The following SLC5A3 variants were observed in gnomAD, a reference collection of about 807,000 sequenced individuals.
SLC5A3 encodes sodium/myo-inositol cotransporter.
SLC5A3 carries 10 observed loss-of-function variants against 43.2 expected under a neutral mutation model. The ratio of observed to expected loss-of-function variants is 0.23; its 90% CI spans 0.14 to 0.39. The LOEUF (loss-of-function observed/expected upper bound fraction) is 0.39. SLC5A3 is among the 10% of genes least tolerant of loss of function. The pLI is 1.00. For synonymous variants in SLC5A3, 349 were observed against 322.0 expected (o/e 1.08, Z -0.90); for missense variants, 608 against 893.4 (o/e 0.68, Z 4.07).
chr21:34,105,675 A>G lies in SLC5A3; in HGVS notation c.*8320A>G. ...GTGATTATAAATGAAGTTGATGAAC[A>G]TTAATTTTGTTATTAGTGAGTTTTT... is the stretch of plus-strand genomic sequence containing the variant. On this transcript the variant is annotated 3_prime_UTR_variant, in exon 2 of 2. Transcript: ENST00000381151. 8 of 997,756 alleles carry G rather than the reference A, an allele frequency of 8.0e-6. No homozygotes were observed. Among genetic ancestry groups the G allele is most frequent in the Non-Finnish European group, 9.7e-6 (8 of 827,756 alleles). 61.8% of individuals were successfully genotyped at this position (997,756 alleles called of 1,614,324 possible).
Position 34,101,786 on chromosome 21 carries a change from G to T in SLC5A3, c.*4431G>T, listed in dbSNP as rs1158651308. The T allele has an allele frequency of 1.0e-6, 1 of 996,010 alleles. No homozygotes were observed. Among genetic ancestry groups the T allele is most frequent in the African/African-American group, 1.8e-5 (1 of 57,112 alleles). 61.7% of individuals were successfully genotyped at this position (996,010 alleles called of 1,614,324 possible). A position where few individuals can be genotyped will look rare whatever the true frequency, so the allele number is the denominator to read the frequency against. On this transcript the variant is annotated 3_prime_UTR_variant, in exon 2 of 2. Transcript: ENST00000381151. ...TACTGAATTTCTGTTAGCTTAAAAT[G>T]TTAATTCTCAGGAATGATTTTCTCA...
At position 34,094,871 on chromosome 21, in the gene SLC5A3, C is replaced by A; in HGVS notation, c.-328C>A. On this transcript the variant is annotated 5_prime_UTR_variant, in exon 2 of 2. The change creates a premature stop within an existing upstream ORF in the 5' untranslated region. Transcript: ENST00000381151. ...TCTCTGCTGCCTTGCAGGGTTGGTACAGTAGGCTTCACTAGACTTAGCTGC... is the reference window on the plus strand; with the variant it reads ...TCTCTGCTGCCTTGCAGGGTTGGTAAAGTAGGCTTCACTAGACTTAGCTGC... 3.9e-6 allele frequency: 1 copy of A among 259,690 alleles called. No individual in the cohort carries two copies. The highest frequency in any genetic ancestry group is 7.2e-6 in the Non-Finnish European group (1 of 138,442). 16.1% of individuals were successfully genotyped at this position (259,690 alleles called of 1,614,324 possible). A position where few individuals can be genotyped will look rare whatever the true frequency, so the allele number is the denominator to read the frequency against.
At chr21:34,093,730 A>C (rs1405524003) in intron 1 of SLC5A3, among the ~76,000 whole-genome samples, 1 of 152,244 alleles carries the variant, frequency 6.6e-6, no homozygotes, top group African/African-American at 2.4e-5. Context: ...CAATTAACTG[A>C]AAATTTAGTA....
intron 1 of SLC5A3, among the ~76,000 whole-genome samples, chr21:34,082,083 AT>A (rs1989472687): frequency 6.6e-6 from 1 of 151,324 alleles, no homozygotes; most frequent in South Asian, 2.1e-4. Flanking sequence ...TTGCCAACTA[AT>A]TGAATACTTA....
rs1262718353 is a variant in SLC5A3, at chr21:34,099,091, C to T, written c.*1736C>T. 1 of 999,422 alleles carries T rather than the reference C, an allele frequency of 1.0e-6. No homozygotes were observed. Among genetic ancestry groups the T allele is most frequent in the Middle Eastern group, 5.2e-4 (1 of 1,934 alleles). The allele number at this position is 999,422 out of a possible 1,614,324, so 61.9% of individuals were successfully genotyped here. A position where few individuals can be genotyped will look rare whatever the true frequency, so the allele number is the denominator to read the frequency against. Reference sequence around the variant, plus strand: ...AAATTGTCAGGTAGCATAGTGTCTTCCCATGATCAGGAGGCTTTCTGAAGG... The same window carrying T: ...AAATTGTCAGGTAGCATAGTGTCTTTCCATGATCAGGAGGCTTTCTGAAGG... On this transcript the variant is annotated 3_prime_UTR_variant, in exon 2 of 2. Coordinates refer to ENST00000381151, the MANE Select transcript of SLC5A3 (RefSeq NM_006933.7).
Position 34,102,276 on chromosome 21 carries a change from T to C in SLC5A3, c.*4921T>C, listed in dbSNP as rs951477089. The C allele has an allele frequency of 3.8e-5, 38 of 999,696 alleles. No homozygotes were observed. Among genetic ancestry groups the C allele is most frequent in the Non-Finnish European group, 4.5e-5 (37 of 829,612 alleles). 61.9% of individuals were successfully genotyped at this position (999,696 alleles called of 1,614,324 possible). ...CACCATTATTCACTTAGTAGTCATA[T>C]AAATGTTTTTATTTAAACTTCTCTC... is the stretch of plus-strand genomic sequence containing the variant. On this transcript the variant is annotated 3_prime_UTR_variant, in exon 2 of 2. Transcript: ENST00000381151.
At position 34,097,877 on chromosome 21, in the gene SLC5A3, T is replaced by G. The variant is rs938921180; in HGVS notation, c.*522T>G. On this transcript the variant is annotated 3_prime_UTR_variant, in exon 2 of 2. Transcript: ENST00000381151. ...TTCAGGACAAGTTCATTTGCCAGGTTCATTTTGTTAGCATGAGCCTACGGA... is the reference window on the plus strand; with the variant it reads ...TTCAGGACAAGTTCATTTGCCAGGTGCATTTTGTTAGCATGAGCCTACGGA... 1.0e-6 allele frequency: 1 copy of G among 997,712 alleles called. No individual in the cohort carries two copies. The highest frequency in any genetic ancestry group is 1.7e-5 in the African/African-American group (1 of 57,196). 61.8% of individuals were successfully genotyped at this position (997,712 alleles called of 1,614,324 possible). A position where few individuals can be genotyped will look rare whatever the true frequency, so the allele number is the denominator to read the frequency against.
In SLC5A3 at chr21:34,101,218, A is replaced by G. The variant is rs768052124; in HGVS notation, c.*3863A>G. On this transcript the variant is annotated 3_prime_UTR_variant, in exon 2 of 2. Transcript: ENST00000381151. Reference sequence around the variant, plus strand: ...CAACAAATATTAGCTTAAAATCTGCATATGTAGAATCATTTTCATTAGATT... The same window carrying G: ...CAACAAATATTAGCTTAAAATCTGCGTATGTAGAATCATTTTCATTAGATT... The G allele has an allele frequency of 6.0e-5, 60 of 999,962 alleles. No homozygotes were observed. The highest frequency in any genetic ancestry group is 7.0e-5 in the Non-Finnish European group (58 of 829,866). The allele number at this position is 999,962 out of a possible 1,614,324, so 61.9% of individuals were successfully genotyped here.
Position 34,101,948 on chromosome 21 carries a change from G to A in SLC5A3, c.*4593G>A. 1 of 1,000,122 alleles carries A rather than the reference G, an allele frequency of 1.0e-6. No homozygotes were observed. The highest frequency in any genetic ancestry group is 1.2e-6 in the Non-Finnish European group (1 of 829,862). 62.0% of individuals were successfully genotyped at this position (1,000,122 alleles called of 1,614,324 possible). A position where few individuals can be genotyped will look rare whatever the true frequency, so the allele number is the denominator to read the frequency against. On this transcript the variant is annotated 3_prime_UTR_variant, in exon 2 of 2. Coordinates refer to ENST00000381151, the MANE Select transcript of SLC5A3 (RefSeq NM_006933.7). ...TGTCAGAGTGCAGAGAAACAATGGA[G>A]TTTTGATGCCAAAAAGGTTTTTTTG...
chr21:34,099,918 G>A lies in SLC5A3; in HGVS notation c.*2563G>A. 1 of 353,218 alleles carries A rather than the reference G, an allele frequency of 2.8e-6. No individual in the cohort carries two copies. The highest frequency in any genetic ancestry group is 2.2e-5 in the African/African-American group (1 of 44,924). 21.9% of individuals were successfully genotyped at this position (353,218 alleles called of 1,614,324 possible). ...CGAGTAAGTTTGTGAATTGCTGATT[G>A]CAACTTAATTCAGGGACCAGTCTTC... On this transcript the variant is annotated 3_prime_UTR_variant, in exon 2 of 2. Coordinates refer to ENST00000381151, the MANE Select transcript of SLC5A3 (RefSeq NM_006933.7).
At position 34,073,590 on chromosome 21, in the gene SLC5A3, T is replaced by G. The variant is rs1030282422; in HGVS notation, c.-492T>G. On this transcript the variant is annotated 5_prime_UTR_variant, in exon 1 of 2. Transcript: ENST00000381151. ...GCTCTCGGACCGTGCTTTCGCCGCC[T>G]GGGAGCCGTCCGGCGCAGCAGTTTC... 2 of 951,642 alleles carry G rather than the reference T, an allele frequency of 2.1e-6. No individual in the cohort carries two copies. The highest frequency in any genetic ancestry group is 3.5e-5 in the African/African-American group (2 of 56,902). 58.9% of individuals were successfully genotyped at this position (951,642 alleles called of 1,614,324 possible). A position where few individuals can be genotyped will look rare whatever the true frequency, so the allele number is the denominator to read the frequency against.
At chr21:34,088,582 A>T (rs1055901221) in intron 1 of SLC5A3, among the ~76,000 whole-genome samples, 1 of 152,356 alleles carries the variant, frequency 6.6e-6, no homozygotes. Flanking sequence ...TCTTTTATCA[A>T]TATCGTTAAT....
intron 1 of SLC5A3, among the ~76,000 whole-genome samples, chr21:34,075,422 T>C (rs1989304002): frequency 6.6e-6 from 1 of 152,208 alleles, no homozygotes. Context: ...TTTTATGTCC[T>C]GTAATAACAT....
chr21:34,099,989 G>T lies in SLC5A3; in HGVS notation c.*2634G>T. The T allele has an allele frequency of 1.8e-6, 1 of 569,132 alleles. No individual in the cohort carries two copies. The allele number at this position is 569,132 out of a possible 1,614,324, so 35.3% of individuals were successfully genotyped here. A position where few individuals can be genotyped will look rare whatever the true frequency, so the allele number is the denominator to read the frequency against. On this transcript the variant is annotated 3_prime_UTR_variant, in exon 2 of 2. Transcript: ENST00000381151. ...GATTGTTCCTGGAATGATCATACAT[G>T]GACTGTCTTAAGCTAGCAAAATGTT...
At position 34,096,819 on chromosome 21, in the gene SLC5A3, AT is replaced by A. The variant is rs1423378138; in HGVS notation, c.1623del (p.Arg542GlufsTer13). ...LLTPPPTKEQ[I>X]RTTTFWSKKN... ...CACACCACCTCCCACAAAGGAACAGATTCGAACCACCACCTTTTGGTCTAAG... is the reference window on the plus strand; with the variant it reads ...CACACCACCTCCCACAAAGGAACAGATCGAACCACCACCTTTTGGTCTAAG... On this transcript the variant is annotated frameshift_variant, in exon 2 of 2. Coordinates refer to ENST00000381151, the MANE Select transcript of SLC5A3 (RefSeq NM_006933.7). LOFTEE classifies it high-confidence loss of function. The surrounding 1 kb of genome is among the most constrained non-coding windows in gnomAD (Gnocchi z 5.9). 6.2e-7 allele frequency: 1 copy of A among 1,613,958 alleles called. No homozygotes were observed. Among genetic ancestry groups the A allele is most frequent in the Non-Finnish European group, 8.5e-7 (1 of 1,180,006 alleles).
rs1277262361 is a variant in SLC5A3, at chr21:34,105,444, A to G, written c.*8089A>G. On this transcript the variant is annotated 3_prime_UTR_variant, in exon 2 of 2. Transcript: ENST00000381151. ...CATTCATTCATTTATTTTTAAGCCA[A>G]ATGTCAGCAGAGTGCTGCTGCTTTT... is the stretch of plus-strand genomic sequence containing the variant. 3.3e-5 allele frequency: 33 copies of G among 999,500 alleles called. No individual in the cohort carries two copies. Among genetic ancestry groups the G allele is most frequent in the Non-Finnish European group, 4.0e-5 (33 of 829,542 alleles). 61.9% of individuals were successfully genotyped at this position (999,500 alleles called of 1,614,324 possible).
At chr21:34,081,683 G>T (rs1013287994) in intron 1 of SLC5A3, among the ~76,000 whole-genome samples, 4 of 152,166 alleles carry the variant, frequency 2.6e-5, no homozygotes, top group African/African-American at 9.7e-5. Flanking sequence ...ATTCATTTGG[G>T]AGGGTATTTG....
intron 1 of SLC5A3, among the ~76,000 whole-genome samples, chr21:34,075,479 C>T (rs1989305576): frequency 6.6e-6 from 1 of 151,896 alleles, no homozygotes; most frequent in South Asian, 2.1e-4. Context: ...TTCAGATCAA[C>T]AGAGCGTAAT....
Position 34,099,497 on chromosome 21 carries a change from A to C in SLC5A3, c.*2142A>C, listed in dbSNP as rs993512230. 1 of 999,830 alleles carries C rather than the reference A, an allele frequency of 1.0e-6. No homozygotes were observed. 61.9% of individuals were successfully genotyped at this position (999,830 alleles called of 1,614,324 possible). ...AATTAACATTAAGTTGTAAGAACTA[A>C]AATTTTCTTTGAACCACATTACTGT... On this transcript the variant is annotated 3_prime_UTR_variant, in exon 2 of 2. Coordinates refer to ENST00000381151, the MANE Select transcript of SLC5A3 (RefSeq NM_006933.7).
Sources: allele counts gnomAD v4.1 joint callset (sites outside exome capture counted in the v4.1 genomes callset), GRCh38; gene constraint gnomAD v4.1.1; non-coding constraint Gnocchi (gnomAD v3.1); transcripts MANE v1.5; gene names NCBI Gene and HGNC (gene_info 2026-07-23, HGNC 2026-07-21).